Variants in LRP1B observed in about 807,000 individuals in gnomAD.
LRP1B encodes low-density lipoprotein receptor-related protein 1B.
Under a neutral mutation model 556.6 loss-of-function variants are expected in LRP1B, and 217 were observed. That is an observed-to-expected ratio of 0.39 (90% CI 0.35 to 0.44). LRP1B has a LOEUF of 0.44. Ranked by LOEUF, LRP1B falls within the 20% of genes least tolerant of loss-of-function variation. The probability of loss-of-function intolerance (pLI) is 1.00; values close to 1 mark genes in which losing one functional copy is unlikely to be tolerated. For synonymous variants in LRP1B, 2,047 were observed against 1,865.8 expected (o/e 1.10, Z -2.50); for missense variants, 5,053 against 5,620.8 (o/e 0.90, Z 3.23).
At chr2:141,612,794 C>A (rs1253471206) in intron 2 of LRP1B, among the ~76,000 whole-genome samples, 2 of 152,078 alleles carry the variant, frequency 1.3e-5, no homozygotes, top group East Asian at 3.9e-4. Context: ...TATAAAGTAT[C>A]TTCACCTTGT....
chr2:141,916,664 G>T (rs1700044346), intron 1 of LRP1B, among the ~76,000 whole-genome samples: 1 of 151,450 alleles, frequency 6.6e-6, no homozygotes, highest in Non-Finnish European at 1.5e-5. Context: ...TTACAGGCGT[G>T]AGCCACCGCG....
At chr2:141,201,389 C>G (rs564288770) in intron 6 of LRP1B, among the ~76,000 whole-genome samples, 1 of 152,128 alleles carries the variant, frequency 6.6e-6, no homozygotes, top group Admixed American at 6.5e-5. Flanking sequence ...CTTATCTATC[C>G]CCTACCAAGA....
chr2:141,269,654 A>G (rs1685013661), intron 3 of LRP1B, among the ~76,000 whole-genome samples: 1 of 152,158 alleles, frequency 6.6e-6, no homozygotes, highest in South Asian at 2.1e-4. Context: ...AAATATGCAA[A>G]CAAAAATAAA....
In LRP1B at chr2:141,797,161, A is replaced by C. The variant is rs1032889592; in HGVS notation, c.205+13118T>G. Among the ~76,000 whole-genome samples, 221 of 84,378 alleles carry C rather than the reference A, an allele frequency of 2.6e-3. 2 individuals are homozygous for C. Among genetic ancestry groups the C allele is most frequent in the Middle Eastern group, 7.8e-3 (1 of 128 alleles). 55.4% of individuals were successfully genotyped at this position (84,378 alleles called of 152,430 possible). A position where few individuals can be genotyped will look rare whatever the true frequency, so the allele number is the denominator to read the frequency against. ...TGAAAATAATCATATATATATATAT[A>C]TATATATATATATATATATATATAT... On this transcript the variant is annotated intron_variant, in intron 2 of 90. Transcript: ENST00000389484.
At chr2:141,760,542 T>C (rs1694505428) in intron 2 of LRP1B, among the ~76,000 whole-genome samples, 1 of 152,222 alleles carries the variant, frequency 6.6e-6, no homozygotes, top group South Asian at 2.1e-4. Flanking sequence ...AAAAGAGCAT[T>C]GAGACAGCAT....
intron 7 of LRP1B, among the ~76,000 whole-genome samples, chr2:141,144,571 A>T (rs992040449): frequency 6.6e-6 from 1 of 152,212 alleles, no homozygotes; most frequent in African/African-American, 2.4e-5. Context: ...TACTTCTCAT[A>T]TGAATGAGTA....
At chr2:140,354,452 T>C (rs1350498681) in intron 75 of LRP1B, among the ~76,000 whole-genome samples, 1 of 152,090 alleles carries the variant, frequency 6.6e-6, no homozygotes, top group Non-Finnish European at 1.5e-5. Context: ...CAGAAAAGTG[T>C]ATTTCGTTGT....
chr2:141,155,379 T>C (rs1014536295), intron 7 of LRP1B, among the ~76,000 whole-genome samples: 2 of 151,918 alleles, frequency 1.3e-5, no homozygotes, highest in Non-Finnish European at 1.5e-5. Flanking sequence ...ATCATCAAAA[T>C]AGCTTTATTG....
intron 1 of LRP1B, among the ~76,000 whole-genome samples, chr2:142,117,420 CG>C (rs779531532): frequency 4.9e-4 from 74 of 152,186 alleles, no homozygotes; most frequent in Non-Finnish European, 6.0e-4. Context: ...TCATTATGCT[CG>C]GCTCTCTAGG....
chr2:141,140,814 G>T (rs966682217), intron 7 of LRP1B, among the ~76,000 whole-genome samples: 1 of 152,010 alleles, frequency 6.6e-6, no homozygotes, highest in Non-Finnish European at 1.5e-5. Context: ...CGAAAAAACC[G>T]CTAATCTGAT....
chr2:141,033,705 C>G (rs756878570), intron 11 of LRP1B, among the ~76,000 whole-genome samples: 1 of 152,022 alleles, frequency 6.6e-6, no homozygotes, highest in Non-Finnish European at 1.5e-5. Flanking sequence ...TCTTTCTTTC[C>G]ACCCCATGGG....
At chr2:141,767,051 T>C (rs946894402) in intron 2 of LRP1B, among the ~76,000 whole-genome samples, 1 of 152,216 alleles carries the variant, frequency 6.6e-6, no homozygotes, top group Non-Finnish European at 1.5e-5. Flanking sequence ...AAGAAAATAA[T>C]GGACAGAAAA....
chr2:141,411,594 C>T (rs1690852361), intron 3 of LRP1B, among the ~76,000 whole-genome samples: 1 of 152,016 alleles, frequency 6.6e-6, no homozygotes, highest in South Asian at 2.1e-4. Context: ...TACTTTTAAA[C>T]ATTTACAGAT....
At chr2:140,307,721 G>A (rs909346670) in intron 83 of LRP1B, among the ~76,000 whole-genome samples, 2 of 151,710 alleles carry the variant, frequency 1.3e-5, no homozygotes, top group African/African-American at 2.4e-5. Context: ...CAGTAATATA[G>A]TCATAGTCAG....
chr2:140,366,623 T>C (rs796093883), intron 71 of LRP1B, among the ~76,000 whole-genome samples: 19 of 151,766 alleles, frequency 1.3e-4, no homozygotes, highest in African/African-American at 4.1e-4. Context: ...GTTACAGAAA[T>C]ATCTGGAAAG....
At chr2:141,996,684 A>T (rs1242959813) in intron 1 of LRP1B, among the ~76,000 whole-genome samples, 8 of 149,350 alleles carry the variant, frequency 5.4e-5, no homozygotes, top group Non-Finnish European at 2.9e-5. Flanking sequence ...TAAAATTTTA[A>T]AATATTTCCT....
Position 141,357,255 on chromosome 2 carries a change from C to T in LRP1B, c.344-102614G>A, listed in dbSNP as rs192095899. ...ATTTTTAGTAGAGGTGGGTTTTCACCGTGTTAGCCAGGGTGGTCTGGATCT... is the reference window on the plus strand; with the variant it reads ...ATTTTTAGTAGAGGTGGGTTTTCACTGTGTTAGCCAGGGTGGTCTGGATCT... On this transcript the variant is annotated intron_variant, in intron 3 of 90. Coordinates refer to ENST00000389484, the MANE Select transcript of LRP1B (RefSeq NM_018557.3). Among the ~76,000 whole-genome samples, 292 of 152,010 alleles carry T rather than the reference C, an allele frequency of 1.9e-3. 1 individual carries two copies. Among genetic ancestry groups the T allele is most frequent in the African/African-American group, 5.1e-3 (213 of 41,482 alleles).
intron 3 of LRP1B, among the ~76,000 whole-genome samples, chr2:141,426,228 T>C (rs1407995650): frequency 6.6e-6 from 1 of 151,944 alleles, no homozygotes; most frequent in East Asian, 1.9e-4. Context: ...ATCAGATAGT[T>C]GTAGATATGC....
At chr2:141,377,028 T>C (rs758147239) in intron 3 of LRP1B, among the ~76,000 whole-genome samples, 3 of 152,174 alleles carry the variant, frequency 2.0e-5, no homozygotes, top group Non-Finnish European at 2.9e-5. Context: ...TCATACTAAG[T>C]TGTGAACTCT....
Sources: gnomAD v4.1 joint callset for allele counts (sites outside exome capture counted in the v4.1 genomes callset) on GRCh38, gnomAD v4.1.1 for gene constraint, MANE v1.5 for transcripts, NCBI Gene and HGNC (gene_info 2026-07-23, HGNC 2026-07-21) for gene names.